The following LINGO2 variants were observed in gnomAD, a reference collection of about 807,000 sequenced individuals.
LINGO2 encodes leucine-rich repeat and immunoglobulin-like domain-containing nogo receptor-interacting protein 2.
LINGO2 carries 14 observed loss-of-function variants against 30.6 expected under a neutral mutation model. The observed-to-expected ratio is 0.46, with a 90% confidence interval of 0.30 to 0.72. The LOEUF (loss-of-function observed/expected upper bound fraction) is 0.72, where lower values mean the gene tolerates loss of function less well. LINGO2 is among the 30% of genes least tolerant of loss of function. LINGO2 has a pLI of 0.07. For synonymous variants in LINGO2, 317 were observed against 288.5 expected, an observed-to-expected ratio of 1.10 and a Z score of -1.00; for missense variants, 729 against 751.7, an observed-to-expected ratio of 0.97 and a Z score of 0.35.
chr9:28,133,729 A>C (rs1037746974), intron 4 of LINGO2, among the ~76,000 whole-genome samples: 1 of 152,094 alleles, frequency 6.6e-6, no homozygotes, highest in Non-Finnish European at 1.5e-5. Context: ...TCCCTCTTCA[A>C]TCTTCTTTCC....
At chr9:28,611,745 C>T (rs777181325) in intron 1 of LINGO2, among the ~76,000 whole-genome samples, 6 of 151,732 alleles carry the variant, frequency 4.0e-5, no homozygotes, top group Admixed American at 1.3e-4. Flanking sequence ...TATTTCATTG[C>T]ATATGTGTGT....
intron 2 of LINGO2, among the ~76,000 whole-genome samples, chr9:28,388,234 A>G (rs1294685255): frequency 6.6e-6 from 1 of 152,078 alleles, no homozygotes; most frequent in Non-Finnish European, 1.5e-5. Context: ...TCTTTTATGC[A>G]TCTGTTGTTT....
chr9:28,448,737 G>A (rs1469711555), intron 2 of LINGO2, among the ~76,000 whole-genome samples: 1 of 152,078 alleles, frequency 6.6e-6, no homozygotes, highest in Admixed American at 6.6e-5. Context: ...GGTGGAAGGA[G>A]CATTTAAGCT....
the LINGO2 span, among the ~76,000 whole-genome samples, chr9:28,691,174 T>C: frequency 6.6e-6 from 1 of 152,188 alleles, no homozygotes; most frequent in South Asian, 2.1e-4. Context: ...TGGGGATATA[T>C]CTCAATAGTT....
At chr9:28,921,563 G>A in the LINGO2 span, among the ~76,000 whole-genome samples, 5 of 152,272 alleles carry the variant, frequency 3.3e-5, no homozygotes, top group Non-Finnish European at 7.4e-5. Context: ...TTGGTAGCTC[G>A]AGCAGTAAAG....
chr9:28,166,912 G>A (rs1351150530), intron 4 of LINGO2, among the ~76,000 whole-genome samples: 2 of 151,858 alleles, frequency 1.3e-5, no homozygotes, highest in Admixed American at 1.3e-4. Flanking sequence ...ACTCTTCTGG[G>A]GTTTCTATGA....
intron 4 of LINGO2, among the ~76,000 whole-genome samples, chr9:28,045,398 G>A (rs1371248127): frequency 6.6e-6 from 1 of 152,122 alleles, no homozygotes; most frequent in Non-Finnish European, 1.5e-5. Flanking sequence ...TACCTAATAA[G>A]AATCAAGTTA....
chr9:29,063,852 T>A, the LINGO2 span, among the ~76,000 whole-genome samples: 2 of 144,320 alleles, frequency 1.4e-5, no homozygotes, highest in Non-Finnish European at 2.9e-5. Context: ...CATTGTGTGA[T>A]TTTAAATACA....
the LINGO2 span, among the ~76,000 whole-genome samples, chr9:28,965,191 C>A: frequency 1.3e-5 from 2 of 151,784 alleles, no homozygotes; most frequent in Non-Finnish European, 2.9e-5. Context: ...GATAGAAATT[C>A]AAGAGGTAAC....
At chr9:29,179,158 A>AATATATATATATATATATATAT in the LINGO2 span, among the ~76,000 whole-genome samples, 2 of 101,634 alleles carry the variant, frequency 2.0e-5, no homozygotes, top group African/African-American at 4.4e-5. Context: ...TCTTACTGTA[A>AATATATATATATATATATATAT]ATATATATAT....
chr9:28,494,019 T>C (rs558347429), intron 1 of LINGO2, among the ~76,000 whole-genome samples: 2 of 152,146 alleles, frequency 1.3e-5, no homozygotes, highest in African/African-American at 2.4e-5. Flanking sequence ...TGACTCCCCT[T>C]TATATATACA....
At chr9:28,183,518 A>G (rs1202174310) in intron 4 of LINGO2, among the ~76,000 whole-genome samples, 1 of 152,112 alleles carries the variant, frequency 6.6e-6, no homozygotes, top group Non-Finnish European at 1.5e-5. Context: ...TTGTAAATAA[A>G]GTTTTATTAG....
chr9:28,761,971 C>T, the LINGO2 span, among the ~76,000 whole-genome samples: 1 of 151,786 alleles, frequency 6.6e-6, no homozygotes, highest in African/African-American at 2.4e-5. Flanking sequence ...ATGCACATCA[C>T]ATCGTGGTTT....
intron 1 of LINGO2, among the ~76,000 whole-genome samples, chr9:28,505,834 C>T (rs535000500): frequency 2.3e-4 from 35 of 151,978 alleles, no homozygotes; most frequent in Admixed American, 2.0e-3. Context: ...CATTAGGTTT[C>T]ACTCTTGGGG....
At chr9:28,182,345 C>G (rs536523291) in intron 4 of LINGO2, among the ~76,000 whole-genome samples, 1 of 151,896 alleles carries the variant, frequency 6.6e-6, no homozygotes, top group Non-Finnish European at 1.5e-5. Flanking sequence ...ATGTAAAACC[C>G]AAAACCATAA....
At position 28,062,116 on chromosome 9, in the gene LINGO2, C is replaced by G. The variant is rs187898371; in HGVS notation, c.-86-49711G>C. On this transcript the variant is annotated intron_variant, in intron 4 of 5. Coordinates refer to ENST00000379992, the Ensembl canonical transcript of LINGO2. ...GATATTTCAGCACCACAGAAACAGACAGAAAAAAGAATCCAAGACTGGAAA... is the reference window on the plus strand; with the variant it reads ...GATATTTCAGCACCACAGAAACAGAGAGAAAAAAGAATCCAAGACTGGAAA... 1.4e-3 allele frequency among the ~76,000 whole-genome samples: 220 copies of G among 151,964 alleles called. 2 individuals are homozygous for G. In the East Asian group the frequency reaches 0.034, roughly 23 times the overall value.
intron 5 of LINGO2, among the ~76,000 whole-genome samples, chr9:27,986,625 A>G (rs984177266): frequency 1.3e-5 from 2 of 151,888 alleles, no homozygotes. Context: ...AAGGGACTGC[A>G]GGTCTGACTT....
intron 1 of LINGO2, among the ~76,000 whole-genome samples, chr9:28,566,585 T>G (rs977164609): frequency 6.6e-6 from 1 of 152,160 alleles, no homozygotes; most frequent in Admixed American, 6.5e-5. Context: ...GGGTAATTGA[T>G]GCTTTAGGCC....
intron 4 of LINGO2, among the ~76,000 whole-genome samples, chr9:28,118,039 C>T (rs1258055739): frequency 6.6e-6 from 1 of 150,870 alleles, no homozygotes; most frequent in East Asian, 2.0e-4. Flanking sequence ...AATAAGAACA[C>T]ATGGACATAG....
Sources: gnomAD v4.1 joint callset for allele counts (sites outside exome capture counted in the v4.1 genomes callset) on GRCh38, gnomAD v4.1.1 for gene constraint, MANE v1.5 for transcripts, NCBI Gene and HGNC (gene_info 2026-07-23, HGNC 2026-07-21) for gene names.